The following NAV2 variants were observed in gnomAD, a reference collection of about 807,000 sequenced individuals.
NAV2 encodes the protein neuron navigator 2, also known as helicase, APC down-regulated 1.
Under a neutral mutation model 223.2 loss-of-function variants are expected in NAV2, and 54 were observed. The ratio of observed to expected loss-of-function variants is 0.24; its 90% CI spans 0.19 to 0.30. The LOEUF is 0.30. Among genes scored for constraint, NAV2 ranks in the 10% least tolerant of loss-of-function variants. The probability of loss-of-function intolerance (pLI) is 1.00; values close to 1 mark genes in which losing one functional copy is unlikely to be tolerated. For synonymous variants in NAV2, 1,279 were observed against 1,239.3 expected, an observed-to-expected ratio of 1.03 and a Z score of -0.67; for missense variants, 2,806 against 3,147.5, an observed-to-expected ratio of 0.89 and a Z score of 2.60.
At chr11:20,110,331 A>G (rs1198568968) in intron 36 of NAV2, among the ~76,000 whole-genome samples, 1 of 152,224 alleles carries the variant, frequency 6.6e-6, no homozygotes, top group Non-Finnish European at 1.5e-5. Flanking sequence ...GAGACTGTAT[A>G]GACTGCGGAT....
intron 1 of NAV2, among the ~76,000 whole-genome samples, chr11:19,462,506 G>T (rs1184209400): frequency 6.6e-6 from 1 of 152,186 alleles, no homozygotes; most frequent in African/African-American, 2.4e-5. Flanking sequence ...TTTGGTTTTA[G>T]AGATAAGCTA....
intron 6 of NAV2, among the ~76,000 whole-genome samples, chr11:19,897,886 T>TTTATATATATATATATATATA (rs144642336): frequency 1.7e-5 from 2 of 120,660 alleles, no homozygotes; most frequent in African/African-American, 6.7e-5. Context: ...GACCTGTGAT[T>TTTATATATATATATATATATA]TATATATATA....
intron 1 of NAV2, among the ~76,000 whole-genome samples, chr11:19,671,712 G>T (rs1253618971): frequency 1.3e-5 from 2 of 152,180 alleles, no homozygotes; most frequent in African/African-American, 4.8e-5. Context: ...TACTGTCTCT[G>T]TTGCATATTC....
chr11:19,780,688 G>GA (rs1358144659), intron 1 of NAV2, among the ~76,000 whole-genome samples: 6 of 152,234 alleles, frequency 3.9e-5, no homozygotes, highest in African/African-American at 7.2e-5. Flanking sequence ...AAAAATTAGG[G>GA]AAAAAAATGT....
intron 1 of NAV2, among the ~76,000 whole-genome samples, chr11:19,427,583 C>T (rs1312928841): frequency 2.0e-5 from 3 of 152,192 alleles, no homozygotes; most frequent in Non-Finnish European, 2.9e-5. Context: ...GGCTTCCTGG[C>T]TGTGGCACAA....
chr11:19,489,973 C>A (rs2042571148), intron 1 of NAV2, among the ~76,000 whole-genome samples: 2 of 152,134 alleles, frequency 1.3e-5, no homozygotes, highest in Admixed American at 1.3e-4. Flanking sequence ...AGTTCCAGAC[C>A]AGCGCAATAA....
intron 22 of NAV2, among the ~76,000 whole-genome samples, chr11:20,069,156 G>C (rs1195012674): frequency 6.6e-6 from 1 of 152,142 alleles, no homozygotes; most frequent in Non-Finnish European, 1.5e-5. Flanking sequence ...ACTTCCTGGA[G>C]GAGGTGACAT....
chr11:20,015,172 C>G (rs2053901089), intron 11 of NAV2, among the ~76,000 whole-genome samples: 1 of 152,180 alleles, frequency 6.6e-6, no homozygotes, highest in African/African-American at 2.4e-5. Context: ...CTGTTTTCCT[C>G]TAAATAACCA....
intron 1 of NAV2, among the ~76,000 whole-genome samples, chr11:19,650,575 T>C (rs1048296052): frequency 3.3e-5 from 5 of 152,180 alleles, no homozygotes; most frequent in African/African-American, 1.2e-4. Flanking sequence ...CCTGGGTATT[T>C]AACCCAGAGA....
At chr11:19,728,090 T>G (rs1442983459) in intron 1 of NAV2, among the ~76,000 whole-genome samples, 1 of 152,148 alleles carries the variant, frequency 6.6e-6, no homozygotes, top group Non-Finnish European at 1.5e-5. Context: ...CCAAGAAGGT[T>G]TCTGTGTGTG....
At chr11:19,777,596 G>A in intron 1 of NAV2, 1 of 450,290 alleles carries the variant, frequency 2.2e-6, no homozygotes, top group South Asian at 1.6e-5. Context: ...ATCCCCTTTA[G>A]GAACTGGCCC....
At chr11:19,503,364 T>G (rs2043017801) in intron 1 of NAV2, 1 of 152,192 alleles carries the variant, frequency 6.6e-6, no homozygotes, top group Non-Finnish European at 1.5e-5. Flanking sequence ...CTTGTATGGG[T>G]TTGGGCAAAT....
chr11:19,433,616 C>G (rs998914211), intron 1 of NAV2, among the ~76,000 whole-genome samples: 3 of 152,210 alleles, frequency 2.0e-5, no homozygotes, highest in African/African-American at 7.2e-5. Flanking sequence ...AACTGAAAGG[C>G]GGTGGTATGG....
At chr11:19,619,496 T>G (rs1219111756) in intron 1 of NAV2, among the ~76,000 whole-genome samples, 2 of 152,210 alleles carry the variant, frequency 1.3e-5, no homozygotes, top group African/African-American at 4.8e-5. Flanking sequence ...TGATTTGCAT[T>G]TCTCTGATGG....
At chr11:20,076,966 C>T (rs1276880396) in intron 22 of NAV2, among the ~76,000 whole-genome samples, 1 of 152,108 alleles carries the variant, frequency 6.6e-6, no homozygotes, top group Admixed American at 6.6e-5. Context: ...AGCAGATGGG[C>T]CTTTCAGTGG....
intron 1 of NAV2, among the ~76,000 whole-genome samples, chr11:19,364,087 C>T (rs1449837018): frequency 6.6e-6 from 1 of 152,162 alleles, no homozygotes; most frequent in East Asian, 1.9e-4. Context: ...CTGAAAGTTC[C>T]AACCCTAATC....
intron 1 of NAV2, among the ~76,000 whole-genome samples, chr11:19,782,134 A>G (rs918862788): frequency 6.6e-6 from 1 of 152,168 alleles, no homozygotes; most frequent in African/African-American, 2.4e-5. Flanking sequence ...ATTTTCTACT[A>G]ATTCCCCAAA....
At position 19,623,660 on chromosome 11, in the gene NAV2, A is replaced by G. The variant is rs1418879720; in HGVS notation, c.76-208824A>G. ...TCTACACTGGTTATTCCAGTTAGCC[A>G]TTCGTCTAATCTTTTTTCAAGGTTT... On this transcript the variant is annotated intron_variant, in intron 1 of 37. Transcript: ENST00000360655. Among the ~76,000 whole-genome samples the G allele has an allele frequency of 2.6e-5, 4 of 152,272 alleles. No homozygotes were observed. The South Asian group carries it at 8.3e-4, about 32-fold the overall frequency.
intron 10 of NAV2, among the ~76,000 whole-genome samples, chr11:19,953,611 C>T (rs904645418): frequency 2.6e-5 from 4 of 152,222 alleles, no homozygotes; most frequent in East Asian, 1.9e-4. Context: ...CTCAGTCTCA[C>T]GTGTTTCTGG....
Sources: allele counts gnomAD v4.1 joint callset (sites outside exome capture counted in the v4.1 genomes callset), GRCh38; gene constraint gnomAD v4.1.1; transcripts MANE v1.5; gene names NCBI Gene and HGNC (gene_info 2026-07-23, HGNC 2026-07-21).